ATAT1: variants seen among roughly 807,000 people sequenced by gnomAD.
ATAT1 encodes the protein alpha-tubulin N-acetyltransferase 1.
In ATAT1, 42 loss-of-function variants were observed where a neutral mutation model predicts 57.2. That is an observed-to-expected ratio of 0.73 (90% confidence interval 0.57 to 0.95). ATAT1 has a LOEUF of 0.95. Ranked by LOEUF, ATAT1 falls within the 40% of genes least tolerant of loss-of-function variation. The pLI, the probability that ATAT1 is intolerant of heterozygous loss-of-function variation, is 0.00. For synonymous variants in ATAT1, 168 were observed against 187.1 expected (o/e 0.90, Z 0.83); for missense variants, 454 against 523.7 (o/e 0.87, Z 1.30).
At chr6:30,639,680 T>C (rs922974293) in intron 6 of ATAT1, among the ~76,000 whole-genome samples, 19 of 151,910 alleles carry the variant, frequency 1.3e-4, no homozygotes, top group South Asian at 4.1e-4. Context: ...GGTTTCACCA[T>C]GTTAGCCAGG....
At chr6:30,628,505 G>C in intron 6 of ATAT1, 75 bp downstream of exon 6, 1 of 1,236,956 alleles carries the variant, frequency 8.1e-7, no homozygotes, top group Non-Finnish European at 1.2e-6. Flanking sequence ...CAAAGAAGTA[G>C]TGACTTATTT....
At chr6:30,637,032 C>G (rs1764249277) in intron 6 of ATAT1, among the ~76,000 whole-genome samples, 1 of 152,080 alleles carries the variant, frequency 6.6e-6, no homozygotes, top group African/African-American at 2.4e-5. Context: ...AACTTCTGAC[C>G]TCAAGTGATC....
At position 30,633,065 on chromosome 6, in the gene ATAT1, G is replaced by A. The variant is rs536157021; in HGVS notation, c.501+4635G>A. On this transcript the variant is annotated intron_variant, in intron 6 of 12. Coordinates refer to ENST00000330083, the MANE Select transcript of ATAT1 (RefSeq NM_001031722.4). ...AGACCAAGGTGGTAGCAGTAGTGAT[G>A]GTAAAGAGTGGTCAAATTTTAAATA... 7.9e-5 allele frequency among the ~76,000 whole-genome samples: 12 copies of A among 152,266 alleles called. No homozygotes were observed. The South Asian group carries it at 2.5e-3, about 32-fold the overall frequency.
At chr6:30,643,123 G>A (rs1441238675) in intron 10 of ATAT1, 112 bp downstream of exon 10, 3 of 1,495,510 alleles carry the variant, frequency 2.0e-6, no homozygotes, top group Non-Finnish European at 2.7e-6. Flanking sequence ...TGGGTGGCTT[G>A]GGGGGGGTCC....
chr6:30,636,310 C>T (rs1049923358), intron 6 of ATAT1, among the ~76,000 whole-genome samples: 12 of 151,984 alleles, frequency 7.9e-5, no homozygotes, highest in African/African-American at 2.2e-4. Context: ...TCAGGCCAGG[C>T]GTGGTGGCTC....
intron 6 of ATAT1, among the ~76,000 whole-genome samples, chr6:30,637,403 C>G (rs1764351331): frequency 6.7e-6 from 1 of 150,090 alleles, no homozygotes; most frequent in African/African-American, 2.5e-5. Flanking sequence ...CAAGGTCTTG[C>G]TCTGTTGCCT....
chr6:30,642,920 C>G lies in ATAT1; in HGVS notation c.841C>G (p.Arg281Gly). The change falls in exon 10 of 13, where the codon CGT (arginine) becomes GGT (glycine). Residue 281 changes from arginine (R) to glycine (G), a missense_variant. Arg to Gly is a moderately radical substitution (Grantham distance 125). Coordinates refer to ENST00000330083, the MANE Select transcript of ATAT1 (RefSeq NM_001031722.4). The stretch of plus-strand genomic sequence containing the variant: ...CTTTGTGCCAGAGCAGGAGCTGCTG[C>G]GTTCCTTGCGCCTCTGCCCCCCACA... The G allele has an allele frequency of 6.2e-7, 1 of 1,603,254 alleles. No individual in the cohort carries two copies. The highest frequency in any genetic ancestry group is 8.5e-7 in the Non-Finnish European group (1 of 1,174,322).
intron 6 of ATAT1, among the ~76,000 whole-genome samples, chr6:30,635,183 A>G (rs955247623): frequency 1.3e-5 from 2 of 152,202 alleles, no homozygotes; most frequent in African/African-American, 4.8e-5. Context: ...TGTATGTGTG[A>G]AACAATATTG....
At position 30,628,088 on chromosome 6, in the gene ATAT1, C is replaced by A. The variant is rs770843681; in HGVS notation, c.342C>A (p.Ile114=). The A allele has an allele frequency of 6.2e-7, 1 of 1,613,058 alleles. No individual in the cohort carries two copies. Among genetic ancestry groups the A allele is most frequent in the South Asian group, 1.1e-5 (1 of 91,086 alleles). The change falls in exon 5 of 13, where the codon ATC becomes ATA. Residue 114 remains isoleucine, a synonymous_variant. Coordinates refer to ENST00000330083, the MANE Select transcript of ATAT1 (RefSeq NM_001031722.4). ...CACTTTGCATCCTGGACTTTTACAT[C>A]CATGAGTCTGTGCAACGCCATGGCC...
chr6:30,637,981 G>C (rs1764507874), intron 6 of ATAT1, among the ~76,000 whole-genome samples: 1 of 152,088 alleles, frequency 6.6e-6, no homozygotes, highest in African/African-American at 2.4e-5. Context: ...TCTCAAAAAA[G>C]ATCTTCCCAC....
At chr6:30,643,613 C>T in intron 10 of ATAT1, 1 of 1,550,526 alleles carries the variant, frequency 6.4e-7, no homozygotes, top group Non-Finnish European at 8.7e-7. Flanking sequence ...GGGAACCCCT[C>T]CCTGAGAACC....
At position 30,631,050 on chromosome 6, in the gene ATAT1, A is replaced by G. The variant is rs375543521; in HGVS notation, c.501+2620A>G. Among the ~76,000 whole-genome samples, 23 of 152,334 alleles carry G rather than the reference A, an allele frequency of 1.5e-4. 3 individuals carry two copies. The highest frequency in any genetic ancestry group is 1.2e-3 in the East Asian group (6 of 5,186). On this transcript the variant is annotated intron_variant, in intron 6 of 12. Transcript: ENST00000330083. ...AACAAACATAATAAACAATATGGTT[A>G]ATAAGTGCTCTGGAAAAATGAGAGC... is the stretch of plus-strand genomic sequence containing the variant.
intron 11 of ATAT1, 36 bp from the exon 12 acceptor site, chr6:30,646,031 C>T (rs753557461): frequency 3.7e-6 from 6 of 1,608,612 alleles, no homozygotes; most frequent in East Asian, 2.2e-5. Context: ...ACTGTCTACT[C>T]CTGCCTTCCC....
intron 6 of ATAT1, among the ~76,000 whole-genome samples, chr6:30,630,365 G>A (rs1762592015): frequency 6.6e-6 from 1 of 152,140 alleles, no homozygotes; most frequent in Admixed American, 6.5e-5. Flanking sequence ...GTGCGGTGCG[G>A]TGGCCCATGC....
intron 8 of ATAT1, 157 bp downstream of exon 8, chr6:30,640,760 C>T: frequency 2.6e-6 from 2 of 759,396 alleles, no homozygotes; most frequent in South Asian, 3.6e-5. Context: ...CTCATGGGAG[C>T]TCAGTGCATT....
At position 30,627,154 on chromosome 6, in the gene ATAT1, G is replaced by T. The variant is rs1482617560; in HGVS notation, c.-50G>T. On this transcript the variant is annotated 5_prime_UTR_variant, in exon 1 of 13. Coordinates refer to ENST00000330083, the MANE Select transcript of ATAT1 (RefSeq NM_001031722.4). Reference sequence around the variant, plus strand: ...CCTGGGCCTAGTGGGATTGATCAGCGCTTGGATCTGTGACCTTTCACCCCG... The same window carrying T: ...CCTGGGCCTAGTGGGATTGATCAGCTCTTGGATCTGTGACCTTTCACCCCG... 2 of 1,611,570 alleles carry T rather than the reference G, an allele frequency of 1.2e-6. No homozygotes were observed. The highest frequency in any genetic ancestry group is 1.7e-6 in the Non-Finnish European group (2 of 1,178,688).
intron 12 of ATAT1, 125 bp from the exon 13 acceptor site, chr6:30,646,344 T>C (rs1408230738): frequency 4.1e-6 from 6 of 1,447,902 alleles, no homozygotes; most frequent in Non-Finnish European, 5.5e-6. Flanking sequence ...ATAGCACTAA[T>C]GGTTCCAGCT....
intron 12 of ATAT1, 142 bp downstream of exon 12, chr6:30,646,251 C>T (rs1002946706): frequency 1.4e-6 from 2 of 1,464,052 alleles, no homozygotes; most frequent in East Asian, 5.0e-5. Flanking sequence ...TACCTTACAT[C>T]CTGCAAGCCC....
intron 6 of ATAT1, among the ~76,000 whole-genome samples, chr6:30,637,745 A>G (rs969448767): frequency 6.6e-5 from 10 of 151,838 alleles, no homozygotes; most frequent in Admixed American, 3.9e-4. Context: ...TGGAAGGCCA[A>G]GGCGGGCGGA....
Sources: gnomAD v4.1 joint callset for allele counts (sites outside exome capture counted in the v4.1 genomes callset) on GRCh38, gnomAD v4.1.1 for gene constraint, MANE v1.5 for transcripts, NCBI Gene and HGNC (gene_info 2026-07-23, HGNC 2026-07-21) for gene names.